The following ACVR1 variants were observed in gnomAD, a reference collection of about 807,000 sequenced individuals.
The protein encoded by ACVR1 is activin A receptor type 1.
Under a neutral mutation model 57.1 loss-of-function variants are expected in ACVR1, and 38 were observed. The ratio of observed to expected loss-of-function variants is 0.67; its 90% CI spans 0.51 to 0.87. ACVR1 has a LOEUF of 0.87. Ranked by LOEUF, ACVR1 falls within the 40% of genes least tolerant of loss-of-function variation. The pLI is 0.00. For missense variants in ACVR1, 463 were observed against 638.2 expected (o/e 0.73, Z 2.96); for synonymous variants, 212 against 228.1 (o/e 0.93, Z 0.63).
At chr2:157,743,648 T>C (rs1684860522) in intron 9 of ACVR1, among the ~76,000 whole-genome samples, 1 of 151,078 alleles carries the variant, frequency 6.6e-6, no homozygotes, top group African/African-American at 2.4e-5. Flanking sequence ...GTCTAAGGAG[T>C]ATCCCCATGA....
intron 3 of ACVR1, among the ~76,000 whole-genome samples, chr2:157,793,989 C>G (rs186241650): frequency 6.6e-6 from 1 of 152,126 alleles, no homozygotes; most frequent in East Asian, 1.9e-4. Flanking sequence ...AAATCTCTTG[C>G]GAAAAAATTC....
Position 157,738,427 on chromosome 2 carries a change from C to T in ACVR1, c.1395+13G>A, listed in dbSNP as rs1373284528. 1 of 1,614,060 alleles carries T rather than the reference C, an allele frequency of 6.2e-7. No homozygotes were observed. Among genetic ancestry groups the T allele is most frequent in the Admixed American group, 1.7e-5 (1 of 60,024 alleles). ...GGAAAAGAGCTCTAAAACTGAGAAA[C>T]TGGCATTCTTACCGGGTCTGAGAAC... On this transcript the variant is annotated intron_variant, in intron 10 of 10. Coordinates refer to ENST00000434821, the MANE Select transcript of ACVR1 (RefSeq NM_001111067.4).
chr2:157,813,027 A>G (rs1476822551), intron 2 of ACVR1, among the ~76,000 whole-genome samples: 1 of 152,208 alleles, frequency 6.6e-6, no homozygotes, highest in Non-Finnish European at 1.5e-5. Context: ...AAGTCTATAC[A>G]TTTAACAAAA....
At chr2:157,765,092 C>T (rs1041082961) in intron 8 of ACVR1, among the ~76,000 whole-genome samples, 1 of 152,028 alleles carries the variant, frequency 6.6e-6, no homozygotes, top group African/African-American at 2.4e-5. Flanking sequence ...CTCATTAGCA[C>T]AATTATTTAG....
chr2:157,809,937 G>A (rs560321959), intron 2 of ACVR1, among the ~76,000 whole-genome samples: 4 of 151,952 alleles, frequency 2.6e-5, no homozygotes, highest in African/African-American at 7.3e-5. Flanking sequence ...TTGGCCAAGC[G>A]TGTTGGTGTG....
At chr2:157,740,597 A>G (rs1684715062) in intron 9 of ACVR1, among the ~76,000 whole-genome samples, 1 of 152,244 alleles carries the variant, frequency 6.6e-6, no homozygotes, top group African/African-American at 2.4e-5. Flanking sequence ...CATAACAGCC[A>G]TCTTTTTGGA....
intron 1 of ACVR1, among the ~76,000 whole-genome samples, chr2:157,853,788 G>A (rs1689408887): frequency 6.6e-6 from 1 of 152,110 alleles, no homozygotes; most frequent in South Asian, 2.1e-4. Flanking sequence ...TAAACTACCT[G>A]CATTCCCAGC....
At chr2:157,802,096 A>G (rs1687346312) in intron 2 of ACVR1, among the ~76,000 whole-genome samples, 1 of 152,228 alleles carries the variant, frequency 6.6e-6, no homozygotes, top group Admixed American at 6.5e-5. Flanking sequence ...AAACAACTTG[A>G]GACTTTCTGG....
chr2:157,788,163 T>C (rs973062436), intron 3 of ACVR1, among the ~76,000 whole-genome samples: 1 of 152,160 alleles, frequency 6.6e-6, no homozygotes, highest in Non-Finnish European at 1.5e-5. Context: ...CAACCTATCC[T>C]GCCCCACAGA....
intron 9 of ACVR1, among the ~76,000 whole-genome samples, chr2:157,749,250 T>G (rs1685086390): frequency 6.6e-6 from 1 of 152,220 alleles, no homozygotes; most frequent in Non-Finnish European, 1.5e-5. Flanking sequence ...CAACAGTATA[T>G]TTGTGGCTGA....
chr2:157,765,855 G>C (rs921176684), intron 8 of ACVR1, 66 bp downstream of exon 8: 29 of 1,535,858 alleles, frequency 1.9e-5, no homozygotes, highest in Non-Finnish European at 2.4e-5. Flanking sequence ...GGGGAGAGAT[G>C]CAACTCACCT....
chr2:157,751,519 G>C (rs1334215303), intron 9 of ACVR1, among the ~76,000 whole-genome samples: 1 of 152,206 alleles, frequency 6.6e-6, no homozygotes, highest in Non-Finnish European at 1.5e-5. Flanking sequence ...TGCAAGCCCT[G>C]CTTGCTTTCT....
At chr2:157,779,397 A>G (rs1241035084) in intron 4 of ACVR1, among the ~76,000 whole-genome samples, 3 of 152,214 alleles carry the variant, frequency 2.0e-5, no homozygotes, top group South Asian at 2.1e-4. Context: ...TGATTATTCA[A>G]TCCTATTTGC....
At chr2:157,794,488 T>C (rs765922915) in intron 3 of ACVR1, among the ~76,000 whole-genome samples, 13 of 152,022 alleles carry the variant, frequency 8.6e-5, no homozygotes, top group Non-Finnish European at 5.9e-5. Context: ...CCAGACATAA[T>C]ATGAATGTGG....
Position 157,876,081 on chromosome 2 carries a change from G to A in ACVR1, c.-468C>T, listed in dbSNP as rs1329973808. ...GGCTGGCAGCGGCAGCGGCGGCAGC[G>A]GCAGCCACCCGGGGGAAAGAGCCGG... On this transcript the variant is annotated 5_prime_UTR_variant, in exon 1 of 11. Transcript: ENST00000434821. 6.9e-6 allele frequency among the ~76,000 whole-genome samples: 1 copy of A among 145,758 alleles called. No homozygotes were observed. The highest frequency in any genetic ancestry group is 1.5e-5 in the Non-Finnish European group (1 of 65,398).
intron 1 of ACVR1, among the ~76,000 whole-genome samples, chr2:157,863,730 T>C (rs1394101170): frequency 6.6e-6 from 1 of 151,978 alleles, no homozygotes; most frequent in East Asian, 1.9e-4. Context: ...GAGAAAGATT[T>C]AGTAAGTGAT....
At chr2:157,793,781 G>A (rs1253945518) in intron 3 of ACVR1, among the ~76,000 whole-genome samples, 1 of 152,058 alleles carries the variant, frequency 6.6e-6, no homozygotes, top group African/African-American at 2.4e-5. Context: ...TCAAAGAAAG[G>A]CTTATTCTAT....
intron 1 of ACVR1, among the ~76,000 whole-genome samples, chr2:157,862,119 C>T (rs1050532251): frequency 7.2e-5 from 11 of 152,218 alleles, no homozygotes; most frequent in African/African-American, 2.6e-4. Flanking sequence ...ATGCATGACC[C>T]ACAGCACAGA....
intron 2 of ACVR1, among the ~76,000 whole-genome samples, chr2:157,816,081 C>T (rs1001718003): frequency 2.6e-5 from 4 of 152,018 alleles, no homozygotes; most frequent in Non-Finnish European, 5.9e-5. Context: ...CAAGTCAAGC[C>T]AAAAAGCAAG....
Sources: gnomAD v4.1 joint callset for allele counts (sites outside exome capture counted in the v4.1 genomes callset) on GRCh38, gnomAD v4.1.1 for gene constraint, MANE v1.5 for transcripts, NCBI Gene and HGNC (gene_info 2026-07-23, HGNC 2026-07-21) for gene names.